Variants in MPDU1 observed in about 807,000 individuals in gnomAD.
MPDU1 encodes the protein mannose-P-dolichol utilization defect 1, also known as mannose-P-dolichol utilization defect 1 protein.
MPDU1 carries 18 observed loss-of-function variants against 27.6 expected under a neutral mutation model. That is an observed-to-expected ratio of 0.65 (90% confidence interval 0.45 to 0.97). The LOEUF is 0.97. Among genes scored for constraint, MPDU1 ranks in the 50% least tolerant of loss-of-function variants. The pLI is 0.00. For missense variants in MPDU1, 279 were observed against 297.4 expected, an observed-to-expected ratio of 0.94 and a Z score of 0.46; for synonymous variants, 142 against 131.1, an observed-to-expected ratio of 1.08 and a Z score of -0.57.
Position 7,588,014 on chromosome 17 carries a change from A to G in MPDU1, c.*463A>G, listed in dbSNP as rs908346568. The stretch of plus-strand genomic sequence containing the variant: ...CGGCTGGGACTGTCTCCCGGACCCC[A>G]GTGCTGGGGTGGGGGAAGGGGGACG... On this transcript the variant is annotated 3_prime_UTR_variant, in exon 7 of 7. Coordinates refer to ENST00000250124, the MANE Select transcript of MPDU1 (RefSeq NM_004870.4). 8.2e-6 allele frequency: 4 copies of G among 487,572 alleles called. No individual in the cohort carries two copies. Among genetic ancestry groups the G allele is most frequent in the African/African-American group, 7.8e-5 (4 of 51,282 alleles). 30.2% of individuals were successfully genotyped at this position (487,572 alleles called of 1,614,324 possible).
In MPDU1 at chr17:7,587,723, T is replaced by C. The variant is rs748710016; in HGVS notation, c.*172T>C. The C allele has an allele frequency of 9.9e-7, 1 of 1,008,488 alleles. No homozygotes were observed. The highest frequency in any genetic ancestry group is 1.4e-5 in the South Asian group (1 of 73,618). 62.5% of individuals were successfully genotyped at this position (1,008,488 alleles called of 1,614,324 possible). A position where few individuals can be genotyped will look rare whatever the true frequency, so the allele number is the denominator to read the frequency against. ...ACAAATGGTTGATGGATCCAGATCC[T>C]TAGAAAAGGAGAGGATGGGGGTAGA... On this transcript the variant is annotated 3_prime_UTR_variant, in exon 7 of 7. Coordinates refer to ENST00000250124, the MANE Select transcript of MPDU1 (RefSeq NM_004870.4).
chr17:7,587,607 C>A lies in MPDU1; in HGVS notation c.*56C>A. On this transcript the variant is annotated 3_prime_UTR_variant, in exon 7 of 7. Transcript: ENST00000250124. ...TCATTCACCCAACCTCAGGGTTCTCCCCATCTGAGCCAGCCTGCTGGTGTG... is the reference window on the plus strand; with the variant it reads ...TCATTCACCCAACCTCAGGGTTCTCACCATCTGAGCCAGCCTGCTGGTGTG... The A allele has an allele frequency of 6.2e-7, 1 of 1,610,766 alleles. No individual in the cohort carries two copies. Among genetic ancestry groups the A allele is most frequent in the Non-Finnish European group, 8.5e-7 (1 of 1,177,952 alleles).
rs1420241859 is a variant in MPDU1, at chr17:7,583,873, A to G, written c.11A>G (p.Glu4Gly). MAA[E>G]ADGPLKRLLV... ...AGCTAGCTTTGCAATATGGCGGCCG[A>G]GGCGGACGGACCGCTTAAACGGCTG... The change falls in exon 1 of 7, where the codon GAG (glutamate) becomes GGG (glycine). Residue 4 changes from glutamate to glycine, a missense_variant. Physicochemically the swap from Glu to Gly is moderately conservative, Grantham distance 98. Coordinates refer to ENST00000250124, the MANE Select transcript of MPDU1 (RefSeq NM_004870.4). 3 of 1,613,968 alleles carry G rather than the reference A, an allele frequency of 1.9e-6. No individual in the cohort carries two copies. The highest frequency in any genetic ancestry group is 2.5e-6 in the Non-Finnish European group (3 of 1,180,052).
chr17:7,585,652 G>A (rs758205257), intron 1 of MPDU1, 80 bp from the exon 2 acceptor site: 43 of 1,394,304 alleles, frequency 3.1e-5, no homozygotes, highest in Non-Finnish European at 4.1e-5. Flanking sequence ...AAGGGGGCTC[G>A]GGGAGAGCCC....
In MPDU1 at chr17:7,584,606, G is replaced by C. The variant is rs1419074243; in HGVS notation, c.103+641G>C. On this transcript the variant is annotated intron_variant, in intron 1 of 6. Transcript: ENST00000250124. ...TTGAGGGGAAGGCTTCAAGGCTAGAGAAGTTGTGGATGGCCAGGGCATAAA... is the reference window on the plus strand; with the variant it reads ...TTGAGGGGAAGGCTTCAAGGCTAGACAAGTTGTGGATGGCCAGGGCATAAA... Among the ~76,000 whole-genome samples, 4 of 152,248 alleles carry C rather than the reference G, an allele frequency of 2.6e-5. No homozygotes were observed. The East Asian group carries it at 7.7e-4, about 29-fold the overall frequency.
intron 1 of MPDU1, 45 bp downstream of exon 1, chr17:7,584,010 G>A (rs2051816279): frequency 1.3e-6 from 2 of 1,575,256 alleles, no homozygotes; most frequent in South Asian, 1.1e-5. Context: ...TCGAGTGACC[G>A]TGGGCCCTTA....
In MPDU1 at chr17:7,588,050, C is replaced by T; in HGVS notation, c.*499C>T. 1 of 520,878 alleles carries T rather than the reference C, an allele frequency of 1.9e-6. No individual in the cohort carries two copies. 32.3% of individuals were successfully genotyped at this position (520,878 alleles called of 1,614,324 possible). On this transcript the variant is annotated 3_prime_UTR_variant, in exon 7 of 7. Transcript: ENST00000250124. ...GGGGGAAGGGGGACGGAGAATGACT[C>T]AGGCAGGGCCCCAGGGTGGGGTGAG...
At position 7,586,921 on chromosome 17, in the gene MPDU1, C is replaced by T. The variant is rs142551371; in HGVS notation, c.411C>T (p.Tyr137=). 201 of 1,613,930 alleles carry T rather than the reference C, an allele frequency of 1.2e-4. 2 individuals are homozygous for T. The Admixed American group carries it at 1.7e-3, about 14-fold the overall frequency. ...TVKGVAFLAC[Y]GLVLLVLLSP... ...TAGGTGTCGCTTTCCTCGCTTGCTA[C>T]GGCCTGGTCCTGCTGGTGCTTCTCT... The change falls in exon 5 of 7, where the codon TAC becomes TAT. Residue 137 remains tyrosine (Y), a synonymous_variant. Transcript: ENST00000250124.
At chr17:7,586,107 G>T in intron 3 of MPDU1, 29 bp downstream of exon 3, 1 of 1,612,178 alleles carries the variant, frequency 6.2e-7, no homozygotes. Flanking sequence ...CACCCCAAGG[G>T]TAATACCCAC....
Position 7,585,933 on chromosome 17 carries a change from A to G in MPDU1, c.170-13A>G, listed in dbSNP as rs777986743. On this transcript the variant is annotated splice_polypyrimidine_tract_variant and intron_variant, in intron 2 of 6. Coordinates refer to ENST00000250124, the MANE Select transcript of MPDU1 (RefSeq NM_004870.4). ...GAGAGTCCTCAGTCCTACTTTTCTC[A>G]TCTTTCCCCTAGTAAAGCTGCCCCA... The G allele has an allele frequency of 6.2e-7, 1 of 1,614,032 alleles. No individual in the cohort carries two copies. The highest frequency in any genetic ancestry group is 8.5e-7 in the Non-Finnish European group (1 of 1,179,952).
chr17:7,583,917 C>T lies in MPDU1; in HGVS notation c.55C>T (p.Pro19Ser), dbSNP rs368852905. ...ACGGCTGCTCGTGCCGATTCTTTTA[C>T]CTGAGAAATGCTACGACCAACTTTT... ...LKRLLVPILL[P>S]EKCYDQLFVQ... Residue 19 changes from proline to serine, a missense_variant, in exon 1 of 7, where the codon CCT becomes TCT. By Grantham distance (74) the Pro-to-Ser change is moderately conservative. Transcript: ENST00000250124. 1.9e-6 allele frequency: 3 copies of T among 1,614,080 alleles called. No homozygotes were observed. Among genetic ancestry groups the T allele is most frequent in the South Asian group, 1.1e-5 (1 of 91,094 alleles).
Position 7,587,252 on chromosome 17 carries a change from G to A in MPDU1, c.599G>A (p.Arg200Gln), listed in dbSNP as rs200077070. 1.9e-5 allele frequency: 31 copies of A among 1,613,882 alleles called. No individual in the cohort carries two copies. Among genetic ancestry groups the A allele is most frequent in the Non-Finnish European group, 2.4e-5 (28 of 1,180,006 alleles). ...CTGCTGTTTGGGGGCTCCCTGGCCCGAATCTTCACTTCCATTCAGGTGAGT... is the reference window on the plus strand; with the variant it reads ...CTGCTGTTTGGGGGCTCCCTGGCCCAAATCTTCACTTCCATTCAGGTGAGT... ...VFLLFGGSLA[R>Q]IFTSIQETGD... The change falls in exon 6 of 7, where the codon CGA becomes CAA. Residue 200 changes from arginine to glutamine, a missense_variant. Coordinates refer to ENST00000250124, the MANE Select transcript of MPDU1 (RefSeq NM_004870.4).
rs1597863377 is a variant in MPDU1 at position 7,585,766 on chromosome 17, G to A, written c.138G>A (p.Leu46=). ...PCLKILLSKG[L]GLGIVAGSLL... is the part of the protein sequence containing the mutation. ...TCAAGATTCTCCTCAGCAAAGGCCT[G>A]GGGCTGGGCATTGTGGCTGGCTCAC... The change falls in exon 2 of 7, where the codon CTG becomes CTA. Residue 46 remains leucine, a synonymous_variant. Transcript: ENST00000250124. 1.2e-6 allele frequency: 2 copies of A among 1,614,148 alleles called. No individual in the cohort carries two copies. The highest frequency in any genetic ancestry group is 2.2e-5 in the East Asian group (1 of 44,888).
chr17:7,584,098 G>A, intron 1 of MPDU1, 133 bp downstream of exon 1: 6 of 892,264 alleles, frequency 6.7e-6, no homozygotes, highest in Non-Finnish European at 1.1e-5. Context: ...CTTCTGAGAA[G>A]GGCGGAAGTG....
chr17:7,583,978 C>G lies in MPDU1; in HGVS notation c.103+13C>G. The G allele has an allele frequency of 1.9e-6, 3 of 1,612,012 alleles. No homozygotes were observed. The highest frequency in any genetic ancestry group is 2.5e-6 in the Non-Finnish European group (3 of 1,178,728). On this transcript the variant is annotated intron_variant, in intron 1 of 6. Transcript: ENST00000250124. ...GACTTGCTTCACGGTGAGTTTTATT[C>G]AGCATCCGATCCAAGTCCTACTCGA...
intron 1 of MPDU1, 84 bp downstream of exon 1, chr17:7,584,049 C>T: frequency 7.5e-7 from 1 of 1,338,744 alleles, no homozygotes; most frequent in East Asian, 2.3e-5. Context: ...GACTAAGTGA[C>T]GGCAGTGACT....
rs536206425 is a variant in MPDU1 at position 7,588,178 on chromosome 17, T to C, written c.*627T>C. 2 of 712,876 alleles carry C rather than the reference T, an allele frequency of 2.8e-6. No individual in the cohort carries two copies. Among genetic ancestry groups the C allele is most frequent in the African/African-American group, 1.7e-5 (1 of 57,472 alleles). 44.2% of individuals were successfully genotyped at this position (712,876 alleles called of 1,614,324 possible). ...GGGACAATAAAGACTGGAGACTCAG[T>C]TGAATAATACAAAACTGTTTAATAC... is the stretch of plus-strand genomic sequence containing the variant. On this transcript the variant is annotated 3_prime_UTR_variant, in exon 7 of 7. Coordinates refer to ENST00000250124, the MANE Select transcript of MPDU1 (RefSeq NM_004870.4).
chr17:7,585,922 C>T, intron 2 of MPDU1, 24 bp from the exon 3 acceptor site: 1 of 1,614,126 alleles, frequency 6.2e-7, no homozygotes, highest in Non-Finnish European at 8.5e-7. Flanking sequence ...GTCCTCAGTC[C>T]TACTTTTCTC....
rs1597863406 is a variant in MPDU1 at position 7,585,789 on chromosome 17, C to A, written c.161C>A (p.Ser54Ter). 6.2e-7 allele frequency: 1 copy of A among 1,614,010 alleles called. No homozygotes were observed. The highest frequency in any genetic ancestry group is 1.1e-5 in the South Asian group (1 of 91,084). ...KGLGLGIVAG[S>*]LLVKLPQVFK... ...CTGGGGCTGGGCATTGTGGCTGGCTCACTTCTAGGTATGTCTCTTATCTTT... is the reference window on the plus strand; with the variant it reads ...CTGGGGCTGGGCATTGTGGCTGGCTAACTTCTAGGTATGTCTCTTATCTTT... The change falls in exon 2 of 7, where the codon TCA (serine) becomes TAA (stop). Residue 54 changes from serine to a stop codon, truncating the protein, a stop_gained. Coordinates refer to ENST00000250124, the MANE Select transcript of MPDU1 (RefSeq NM_004870.4). LOFTEE classifies it high-confidence loss of function.
Sources: allele counts gnomAD v4.1 joint callset (sites outside exome capture counted in the v4.1 genomes callset), GRCh38; gene constraint gnomAD v4.1.1; transcripts MANE v1.5; gene names NCBI Gene and HGNC (gene_info 2026-07-23, HGNC 2026-07-21).